Variants in COG5 observed in about 807,000 individuals in gnomAD.
COG5 encodes the protein conserved oligomeric Golgi complex subunit 5.
COG5 carries 86 observed loss-of-function variants against 110.4 expected under a neutral mutation model. That is an observed-to-expected ratio of 0.78 (90% CI 0.65 to 0.93). The LOEUF (loss-of-function observed/expected upper bound fraction) is 0.93. Among genes scored for constraint, COG5 ranks in the 40% least tolerant of loss-of-function variants. The pLI, the probability that COG5 is intolerant of heterozygous loss-of-function variation, is 0.00. For synonymous variants in COG5, 360 were observed against 334.6 expected (o/e 1.08, Z -0.83); for missense variants, 1,077 against 987.0 (o/e 1.09, Z -1.22).
chr7:107,397,867 TTAAA>T (rs773144867), intron 7 of COG5, among the ~76,000 whole-genome samples: 23 of 151,664 alleles, frequency 1.5e-4, no homozygotes, highest in Non-Finnish European at 2.9e-4. Context: ...TGACAGGAAA[TTAAA>T]TAACCTCAAA....
At chr7:107,473,889 C>T (rs1051564640) in intron 6 of COG5, 10 of 484,816 alleles carry the variant, frequency 2.1e-5, no homozygotes, top group Admixed American at 1.1e-4. Flanking sequence ...CTTGATGGTT[C>T]TTAATTCTAC....
chr7:107,414,572 T>C (rs1375608313), intron 6 of COG5, among the ~76,000 whole-genome samples: 1 of 152,040 alleles, frequency 6.6e-6, no homozygotes, highest in Non-Finnish European at 1.5e-5. Context: ...GCTACCGGAA[T>C]AAATGTTCTG....
intron 18 of COG5, among the ~76,000 whole-genome samples, chr7:107,234,998 C>T (rs1801068276): frequency 6.6e-6 from 1 of 152,172 alleles, no homozygotes; most frequent in South Asian, 2.1e-4. Flanking sequence ...CGTTTAATCT[C>T]TGTTTTTATG....
intron 12 of COG5, among the ~76,000 whole-genome samples, chr7:107,291,818 C>T (rs1180988293): frequency 6.6e-6 from 1 of 152,134 alleles, no homozygotes; most frequent in East Asian, 1.9e-4. Context: ...CGGATCTCTC[C>T]TTGGAGCTAG....
rs200074893 is a variant in COG5, at chr7:107,493,496, G to T, written c.538+33741C>A. On this transcript the variant is annotated intron_variant, in intron 6 of 21. Coordinates refer to ENST00000297135, the MANE Select transcript of COG5 (RefSeq NM_006348.5). The stretch of plus-strand genomic sequence containing the variant: ...GAAATCAAAGAATATCTAAATATGT[G>T]AACATAACTTAAGGCTGAATAAATT... Among the ~76,000 whole-genome samples, 8 of 152,202 alleles carry T rather than the reference G, an allele frequency of 5.3e-5. No individual in the cohort carries two copies. In the East Asian group the frequency reaches 1.5e-3, roughly 29 times the overall value.
At chr7:107,403,320 A>T (rs1363369413) in intron 7 of COG5, among the ~76,000 whole-genome samples, 1 of 152,132 alleles carries the variant, frequency 6.6e-6, no homozygotes, top group African/African-American at 2.4e-5. Flanking sequence ...GGGAAGTCCA[A>T]GTTCAAGGTG....
At chr7:107,349,062 G>A (rs1340852630) in intron 10 of COG5, among the ~76,000 whole-genome samples, 1 of 151,820 alleles carries the variant, frequency 6.6e-6, no homozygotes, top group Admixed American at 6.6e-5. Flanking sequence ...CCTGAACAAT[G>A]GATTGTACAT....
intron 6 of COG5, among the ~76,000 whole-genome samples, chr7:107,478,685 T>A (rs921997079): frequency 6.6e-6 from 1 of 152,030 alleles, no homozygotes; most frequent in African/African-American, 2.4e-5. Flanking sequence ...TATATAGGGT[T>A]CAATACTATC....
intron 14 of COG5, among the ~76,000 whole-genome samples, chr7:107,259,288 C>T (rs1280040175): frequency 2.0e-5 from 3 of 152,126 alleles, no homozygotes; most frequent in Non-Finnish European, 4.4e-5. Context: ...TGACTTTCCT[C>T]ATGGACAAAG....
chr7:107,360,816 A>C (rs1813045236), intron 10 of COG5, among the ~76,000 whole-genome samples: 1 of 152,148 alleles, frequency 6.6e-6, no homozygotes, highest in African/African-American at 2.4e-5. Flanking sequence ...TCCCTGGCTC[A>C]TGTTTGTCAG....
chr7:107,378,259 A>C lies in COG5; in HGVS notation c.670-5499T>G, dbSNP rs1814802644. Among the ~76,000 whole-genome samples, 4 of 152,300 alleles carry C rather than the reference A, an allele frequency of 2.6e-5. No homozygotes were observed. In the South Asian group the frequency reaches 8.3e-4, roughly 32 times the overall value. On this transcript the variant is annotated intron_variant, in intron 7 of 21. Transcript: ENST00000297135. Reference sequence around the variant, plus strand: ...AAAAGGAAGTCCAAAGAGAAACCCCATCTGAAGGTCACCAACAGCAAAGAC... The same window carrying C: ...AAAAGGAAGTCCAAAGAGAAACCCCCTCTGAAGGTCACCAACAGCAAAGAC...
intron 14 of COG5, among the ~76,000 whole-genome samples, chr7:107,262,719 CCCT>C (rs1250485003): frequency 2.0e-5 from 3 of 152,138 alleles, no homozygotes; most frequent in African/African-American, 7.2e-5. Context: ...ACACCTCCTT[CCCT>C]CCTCCTTATT....
intron 14 of COG5, among the ~76,000 whole-genome samples, chr7:107,258,965 A>AT (rs1267917020): frequency 1.3e-5 from 2 of 152,086 alleles, no homozygotes; most frequent in African/African-American, 4.8e-5. Context: ...TATTACTATG[A>AT]TTTTTTATAG....
chr7:107,404,344 T>C (rs1791655239), intron 7 of COG5, among the ~76,000 whole-genome samples: 1 of 152,202 alleles, frequency 6.6e-6, no homozygotes, highest in Non-Finnish European at 1.5e-5. Flanking sequence ...GCTAAGAGCC[T>C]ATAAACTAAG....
At chr7:107,404,983 TA>T (rs745757743) in intron 7 of COG5, among the ~76,000 whole-genome samples, 1,498 of 149,640 alleles carry the variant, frequency 0.01, 26 homozygotes, top group African/African-American at 0.033. Flanking sequence ...GGAGACTTCC[TA>T]AAAAAAAATT....
intron 6 of COG5, among the ~76,000 whole-genome samples, chr7:107,504,443 T>C (rs1798836065): frequency 6.6e-6 from 1 of 152,192 alleles, no homozygotes; most frequent in Non-Finnish European, 1.5e-5. Flanking sequence ...ATCAGGGATA[T>C]TGCTCTGTAG....
intron 17 of COG5, among the ~76,000 whole-genome samples, chr7:107,238,999 T>C (rs994101587): frequency 2.0e-5 from 3 of 152,222 alleles, no homozygotes; most frequent in Non-Finnish European, 4.4e-5. Context: ...TAATCACATT[T>C]GTCTATTTTT....
chr7:107,467,337 T>C (rs1270611624), intron 6 of COG5, among the ~76,000 whole-genome samples: 1 of 152,164 alleles, frequency 6.6e-6, no homozygotes, highest in Non-Finnish European at 1.5e-5. Context: ...AGGATCTTCA[T>C]AAATTGATAA....
intron 5 of COG5, among the ~76,000 whole-genome samples, chr7:107,529,785 C>T (rs755296768): frequency 9.9e-5 from 15 of 152,136 alleles, no homozygotes; most frequent in Non-Finnish European, 2.2e-4. Flanking sequence ...CTGAAATGTA[C>T]CTTGGTCTCT....
Sources: gnomAD v4.1 joint callset for allele counts (sites outside exome capture counted in the v4.1 genomes callset) on GRCh38, gnomAD v4.1.1 for gene constraint, MANE v1.5 for transcripts, NCBI Gene and HGNC (gene_info 2026-07-23, HGNC 2026-07-21) for gene names.